FSTL5: variants seen among roughly 807,000 people sequenced by gnomAD.
FSTL5 encodes the protein follistatin-related protein 5.
A neutral mutation model predicts 89.1 loss-of-function variants in FSTL5; 62 were observed. The observed-to-expected ratio is 0.70, with a 90% CI of 0.57 to 0.86. The LOEUF (loss-of-function observed/expected upper bound fraction) is 0.86, where lower values mean the gene tolerates loss of function less well. Among genes scored for constraint, FSTL5 ranks in the 40% least tolerant of loss-of-function variants. The probability of loss-of-function intolerance (pLI) is 0.00; values close to 1 mark genes in which losing one functional copy is unlikely to be tolerated. For synonymous variants in FSTL5, 383 were observed against 346.2 expected (o/e 1.11, Z -1.18); for missense variants, 1,057 against 1,001.6 (o/e 1.06, Z -0.75).
intron 4 of FSTL5, among the ~76,000 whole-genome samples, chr4:161,836,903 T>C (rs1465240237): frequency 6.6e-6 from 1 of 152,142 alleles, no homozygotes; most frequent in African/African-American, 2.4e-5. Context: ...GTTGACTTCA[T>C]TCTTTGAGAT....
intron 6 of FSTL5, among the ~76,000 whole-genome samples, chr4:161,665,469 G>A (rs1736860645): frequency 6.6e-6 from 1 of 152,032 alleles, no homozygotes; most frequent in Non-Finnish European, 1.5e-5. Context: ...TCCTGACCTC[G>A]TGATCTCCCC....
chr4:162,115,994 G>T (rs1189648547), intron 1 of FSTL5, among the ~76,000 whole-genome samples: 2 of 152,070 alleles, frequency 1.3e-5, no homozygotes, highest in Admixed American at 1.3e-4. Flanking sequence ...GAAAAGTGTC[G>T]TAGCATGCCT....
intron 2 of FSTL5, chr4:162,047,695 G>C (rs1319318614): frequency 1.3e-5 from 2 of 152,142 alleles, no homozygotes; most frequent in Non-Finnish European, 2.9e-5. Context: ...CGTGGTAGCA[G>C]GGGCCTGTAA....
intron 7 of FSTL5, among the ~76,000 whole-genome samples, chr4:161,604,620 AG>A (rs1230865185): frequency 6.6e-6 from 1 of 152,142 alleles, no homozygotes; most frequent in African/African-American, 2.4e-5. Context: ...TAGTAGAGAA[AG>A]TCACTGGGGT....
chr4:161,475,052 G>C (rs1231178680), intron 13 of FSTL5, among the ~76,000 whole-genome samples: 69 of 142,558 alleles, frequency 4.8e-4, no homozygotes, highest in Admixed American at 1.2e-3. Context: ...TTGTCTTGTA[G>C]TATGCCGAAC....
intron 4 of FSTL5, among the ~76,000 whole-genome samples, chr4:161,890,078 A>G (rs2110748372): frequency 6.6e-6 from 1 of 152,284 alleles, no homozygotes; most frequent in South Asian, 2.1e-4. Flanking sequence ...TTACAAAATT[A>G]GTACATCTTT....
intron 1 of FSTL5, among the ~76,000 whole-genome samples, chr4:162,142,824 G>C (rs886471694): frequency 2.0e-5 from 3 of 152,122 alleles, no homozygotes; most frequent in African/African-American, 4.8e-5. Context: ...TGTGACTTTA[G>C]TCAAATTATT....
intron 4 of FSTL5, among the ~76,000 whole-genome samples, chr4:161,876,623 C>G (rs1238786414): frequency 1.3e-5 from 2 of 151,982 alleles, no homozygotes; most frequent in African/African-American, 2.4e-5. Flanking sequence ...GCCTATAGTG[C>G]CAGATACGTG....
chr4:161,636,463 T>C lies in FSTL5; in HGVS notation c.894+19865A>G, dbSNP rs1296492669. Among the ~76,000 whole-genome samples the C allele has an allele frequency of 5.6e-5, 8 of 143,602 alleles. No individual in the cohort carries two copies. In the East Asian group the frequency reaches 1.6e-3, roughly 29 times the overall value. The allele number at this position is 143,602 out of a possible 152,430, so 94.2% of individuals were successfully genotyped here. On this transcript the variant is annotated intron_variant, in intron 7 of 15. Transcript: ENST00000306100. ...TGGCAGTTGTTTTTTTTTTTTTCTT[T>C]TTTTTTTTTTTATTATACTTTAAGT...
chr4:162,044,526 C>T (rs1738098360), intron 2 of FSTL5, among the ~76,000 whole-genome samples: 1 of 152,252 alleles, frequency 6.6e-6, no homozygotes, highest in Admixed American at 6.5e-5. Context: ...TTTGTTTCAA[C>T]TTAAATGCTG....
intron 12 of FSTL5, 51 bp from the exon 13 acceptor site, chr4:161,481,220 T>A: frequency 7.2e-7 from 1 of 1,389,390 alleles, no homozygotes; most frequent in African/African-American, 1.4e-5. Flanking sequence ...TTATAACACA[T>A]GCCTGACAAT....
chr4:161,949,469 G>A (rs1050196147), intron 3 of FSTL5, among the ~76,000 whole-genome samples: 4 of 151,818 alleles, frequency 2.6e-5, no homozygotes, highest in Non-Finnish European at 5.9e-5. Context: ...ATTTTCTTCT[G>A]TATAGGGTTT....
intron 3 of FSTL5, among the ~76,000 whole-genome samples, chr4:161,959,577 C>T (rs1206178402): frequency 1.3e-5 from 2 of 151,958 alleles, no homozygotes; most frequent in African/African-American, 4.8e-5. Flanking sequence ...TTTAGTCATG[C>T]TTTTAAATTA....
chr4:161,500,660 G>T (rs1578880808), intron 11 of FSTL5, among the ~76,000 whole-genome samples: 1 of 152,188 alleles, frequency 6.6e-6, no homozygotes, highest in Non-Finnish European at 1.5e-5. Context: ...ATTCTAAATA[G>T]AGGTCTTACA....
chr4:161,804,314 G>A (rs1729891941), intron 4 of FSTL5, among the ~76,000 whole-genome samples: 1 of 151,956 alleles, frequency 6.6e-6, no homozygotes, highest in African/African-American at 2.4e-5. Flanking sequence ...ATTAACAGAT[G>A]CCAAGAATTG....
At chr4:161,655,702 T>C (rs368153920) in intron 7 of FSTL5, among the ~76,000 whole-genome samples, 1 of 152,186 alleles carries the variant, frequency 6.6e-6, no homozygotes, top group African/African-American at 2.4e-5. Flanking sequence ...AATTATTTCA[T>C]ATAAATAGTT....
chr4:161,714,251 T>C (rs1738901373), intron 6 of FSTL5, among the ~76,000 whole-genome samples: 1 of 152,030 alleles, frequency 6.6e-6, no homozygotes, highest in South Asian at 2.1e-4. Flanking sequence ...CATGACATGC[T>C]TTCTCACACA....
At chr4:161,908,447 A>G (rs190181652) in intron 4 of FSTL5, among the ~76,000 whole-genome samples, 1 of 152,244 alleles carries the variant, frequency 6.6e-6, no homozygotes, top group Admixed American at 6.5e-5. Context: ...TAATCAATTT[A>G]TAAAGTTAAT....
chr4:162,158,901 C>T (rs150917873), intron 1 of FSTL5, among the ~76,000 whole-genome samples: 1 of 152,110 alleles, frequency 6.6e-6, no homozygotes, highest in East Asian at 1.9e-4. Context: ...ATAGACACTC[C>T]ATTATGAAGC....
Sources: allele counts gnomAD v4.1 joint callset (sites outside exome capture counted in the v4.1 genomes callset), GRCh38; gene constraint gnomAD v4.1.1; transcripts MANE v1.5; gene names NCBI Gene and HGNC (gene_info 2026-07-23, HGNC 2026-07-21).